The following AGAP1 variants were observed in gnomAD, a reference collection of about 807,000 sequenced individuals.
AGAP1 encodes ArfGAP with GTPase domain, ankyrin repeat and PH domain 1.
In AGAP1, 29 loss-of-function variants were observed where a neutral mutation model predicts 105.3. The observed-to-expected ratio is 0.28, with a 90% confidence interval of 0.21 to 0.38. The LOEUF (loss-of-function observed/expected upper bound fraction) is 0.38, where lower values mean the gene tolerates loss of function less well. AGAP1 is among the 10% of genes least tolerant of loss of function. The pLI, the probability that AGAP1 is intolerant of heterozygous loss-of-function variation, is 1.00. For missense variants in AGAP1, 998 were observed against 1,165.1 expected (o/e 0.86, Z 2.09); for synonymous variants, 509 against 485.9 (o/e 1.05, Z -0.63).
intron 16 of AGAP1, among the ~76,000 whole-genome samples, chr2:236,091,387 C>G (rs1226649464): frequency 6.6e-6 from 1 of 152,196 alleles, no homozygotes; most frequent in Non-Finnish European, 1.5e-5. Context: ...TGCCTCTGCT[C>G]TGGAAAACAG....
intron 1 of AGAP1, among the ~76,000 whole-genome samples, chr2:235,571,081 A>C (rs1224827754): frequency 1.3e-5 from 2 of 152,146 alleles, no homozygotes; most frequent in Non-Finnish European, 2.9e-5. Context: ...GGAGTAAGAG[A>C]GGGGTTGCAG....
At chr2:236,069,054 G>A (rs184537274) in intron 16 of AGAP1, among the ~76,000 whole-genome samples, 19 of 151,570 alleles carry the variant, frequency 1.3e-4, no homozygotes, top group Non-Finnish European at 1.9e-4. Context: ...TTGAACCCGC[G>A]AGGTGAAGGT....
At chr2:235,717,071 G>T (rs1559390011) in intron 2 of AGAP1, among the ~76,000 whole-genome samples, 1 of 152,006 alleles carries the variant, frequency 6.6e-6, no homozygotes, top group African/African-American at 2.4e-5. Context: ...TCCCCACACT[G>T]CCCTTTTCTG....
intron 13 of AGAP1, among the ~76,000 whole-genome samples, chr2:235,985,979 A>C (rs1215729812): frequency 1.3e-5 from 2 of 152,176 alleles, no homozygotes; most frequent in Non-Finnish European, 2.9e-5. Context: ...TATGAAATTT[A>C]AAATAGTTTT....
At chr2:235,939,279 T>G (rs1393457285) in intron 12 of AGAP1, among the ~76,000 whole-genome samples, 1 of 151,894 alleles carries the variant, frequency 6.6e-6, no homozygotes, top group African/African-American at 2.4e-5. Flanking sequence ...CGTCCCCACT[T>G]CTCTCCCATG....
intron 11 of AGAP1, among the ~76,000 whole-genome samples, chr2:235,925,325 T>A (rs1054724899): frequency 6.8e-6 from 1 of 147,810 alleles, no homozygotes; most frequent in African/African-American, 2.7e-5. Flanking sequence ...GTGCGCAGAG[T>A]TTTCCCACAT....
intron 13 of AGAP1, among the ~76,000 whole-genome samples, chr2:235,978,885 G>C (rs1036424342): frequency 6.6e-5 from 10 of 151,982 alleles, no homozygotes; most frequent in African/African-American, 2.4e-4. Context: ...TTGCAAACAA[G>C]TGCATGCACA....
At chr2:235,515,758 A>G (rs1289388049) in intron 1 of AGAP1, among the ~76,000 whole-genome samples, 1 of 152,210 alleles carries the variant, frequency 6.6e-6, no homozygotes, top group African/African-American at 2.4e-5. Context: ...ATCATGTGCA[A>G]ACTGTTAAGA....
intron 9 of AGAP1, among the ~76,000 whole-genome samples, chr2:235,839,902 ACT>A (rs1491160363): frequency 6.6e-6 from 1 of 152,152 alleles, no homozygotes; most frequent in East Asian, 1.9e-4. Flanking sequence ...AGGATGAGAG[ACT>A]CTTATAAAGA....
At chr2:235,653,315 T>A (rs1377719028) in intron 1 of AGAP1, among the ~76,000 whole-genome samples, 2 of 151,498 alleles carry the variant, frequency 1.3e-5, no homozygotes, top group African/African-American at 4.9e-5. Context: ...AATAAAAAAA[T>A]TAGCCTGGTG....
intron 1 of AGAP1, among the ~76,000 whole-genome samples, chr2:235,516,983 G>A (rs898484544): frequency 2.0e-5 from 3 of 152,190 alleles, no homozygotes; most frequent in Non-Finnish European, 2.9e-5. Context: ...GATCAGCCAC[G>A]GGTGCCACGT....
At chr2:235,863,470 C>T (rs539404771) in intron 9 of AGAP1, among the ~76,000 whole-genome samples, 5 of 152,334 alleles carry the variant, frequency 3.3e-5, no homozygotes, top group African/African-American at 1.2e-4. Context: ...TAGCACCTCT[C>T]GGCTGGGACT....
intron 9 of AGAP1, among the ~76,000 whole-genome samples, chr2:235,812,447 T>A (rs1309166252): frequency 6.6e-6 from 1 of 152,200 alleles, no homozygotes; most frequent in Non-Finnish European, 1.5e-5. Context: ...AATCCCCTCG[T>A]CCAGCCTGCC....
intron 13 of AGAP1, among the ~76,000 whole-genome samples, chr2:236,032,573 T>G (rs2057257162): frequency 6.6e-6 from 1 of 152,138 alleles, no homozygotes; most frequent in South Asian, 2.1e-4. Flanking sequence ...ATCAGGTGGA[T>G]GATGGGGAAG....
rs1575807867 is a variant in AGAP1 at position 235,930,079 on chromosome 2, GATA to G, written c.1325-680_1325-678del. Among the ~76,000 whole-genome samples the G allele has an allele frequency of 6.6e-6, 1 of 152,218 alleles. No homozygotes were observed. The highest frequency in any genetic ancestry group is 2.4e-5 in the African/African-American group (1 of 41,452). ...TTTGAGTCTAAAATTGGTATGACCAGATAATAATTCATTTTGATGTTGAGCAAC... is the reference window on the plus strand; with the variant it reads ...TTTGAGTCTAAAATTGGTATGACCAGATAATTCATTTTGATGTTGAGCAAC... On this transcript the variant is annotated intron_variant, in intron 11 of 17. Transcript: ENST00000304032. The surrounding 1 kb of genome is among the most constrained non-coding windows in gnomAD (Gnocchi z 7.9).
intron 6 of AGAP1, among the ~76,000 whole-genome samples, chr2:235,766,083 G>A (rs1433770106): frequency 6.6e-6 from 1 of 152,206 alleles, no homozygotes; most frequent in African/African-American, 2.4e-5. Context: ...TATGAATGTC[G>A]TACTTAGAAG....
rs986055692 is a variant in AGAP1 at position 235,866,924 on chromosome 2, C to T, written c.1051-16421C>T. Among the ~76,000 whole-genome samples the T allele has an allele frequency of 5.3e-5, 8 of 152,154 alleles. No homozygotes were observed. Among genetic ancestry groups the T allele is most frequent in the African/African-American group, 1.9e-4 (8 of 41,418 alleles). ...ATTTGCTCTGTAAAGGCCCTGACTC[C>T]AAATAGAGTCACATCGTGAGTGCTG... On this transcript the variant is annotated intron_variant, in intron 9 of 17. Transcript: ENST00000304032. The surrounding 1 kb of genome is among the most constrained non-coding windows in gnomAD (Gnocchi z 6.1).
intron 1 of AGAP1, among the ~76,000 whole-genome samples, chr2:235,598,979 G>A (rs1360111363): frequency 6.6e-6 from 1 of 152,204 alleles, no homozygotes. Flanking sequence ...ATGAGTGGGA[G>A]CCTGTCTTCC....
intron 6 of AGAP1, among the ~76,000 whole-genome samples, chr2:235,757,581 G>T (rs1695228020): frequency 6.6e-6 from 1 of 152,192 alleles, no homozygotes; most frequent in African/African-American, 2.4e-5. Context: ...TTAACATTCT[G>T]GAAAGCACTT....
Sources: gnomAD v4.1 joint callset for allele counts (sites outside exome capture counted in the v4.1 genomes callset) on GRCh38, gnomAD v4.1.1 for gene constraint, Gnocchi (gnomAD v3.1) non-coding constraint, MANE v1.5 for transcripts, NCBI Gene and HGNC (gene_info 2026-07-23, HGNC 2026-07-21) for gene names.